The following SAMSN1 variants were observed in gnomAD, a reference collection of about 807,000 sequenced individuals.
SAMSN1 encodes the protein SAM domain-containing protein SAMSN-1.
SAMSN1 carries 31 observed loss-of-function variants against 42.0 expected under a neutral mutation model. The ratio of observed to expected loss-of-function variants is 0.74; its 90% CI spans 0.55 to 1.00. SAMSN1 has a LOEUF of 1.00. Ranked by LOEUF, SAMSN1 falls within the 50% of genes least tolerant of loss-of-function variation. The pLI is 0.00. For missense variants in SAMSN1, 464 were observed against 439.4 expected (o/e 1.06, Z -0.50); for synonymous variants, 178 against 151.9 (o/e 1.17, Z -1.26).
At chr21:14,601,219 G>A (rs1982421640) in intron 6 of SAMSN1, among the ~76,000 whole-genome samples, 1 of 152,098 alleles carries the variant, frequency 6.6e-6, no homozygotes, top group African/African-American at 2.4e-5. Flanking sequence ...ACATCTTGTA[G>A]CATAGGCCTA....
Position 14,494,223 on chromosome 21 carries a change from G to T in SAMSN1, c.919+4219C>A, listed in dbSNP as rs146639330. Among the ~76,000 whole-genome samples the T allele has an allele frequency of 7.9e-3, 1,206 of 152,132 alleles. 21 individuals are homozygous for T. Among genetic ancestry groups the T allele is most frequent in the African/African-American group, 0.027 (1,128 of 41,478 alleles). ...TCCCATTACTGGGTCTATACCCAAA[G>T]GATTATAAATTACTCTACTATAAAG... On this transcript the variant is annotated intron_variant, in intron 7 of 7. Coordinates refer to ENST00000400566, the MANE Select transcript of SAMSN1 (RefSeq NM_022136.5).
chr21:14,577,234 GTGTGTATATATATATA>G (rs1352457051), intron 2 of SAMSN1, among the ~76,000 whole-genome samples: 216 of 21,318 alleles, frequency 0.01, 16 homozygotes, highest in East Asian at 0.025. Flanking sequence ...TTATATATAT[GTGTGTATATATATATA>G]TATATATATA....
chr21:14,593,999 A>T (rs1383012084), intron 7 of SAMSN1: 1 of 715,770 alleles, frequency 1.4e-6, no homozygotes, highest in South Asian at 1.5e-5. Context: ...TACATCTGGG[A>T]AGAAATGTCT....
At chr21:14,567,702 T>C (rs1216665060) in intron 2 of SAMSN1, among the ~76,000 whole-genome samples, 2 of 151,970 alleles carry the variant, frequency 1.3e-5, no homozygotes, top group Non-Finnish European at 2.9e-5. Context: ...TCTGTGTTCT[T>C]AGTGTGAGGT....
At chr21:14,567,688 C>A (rs967801322) in intron 2 of SAMSN1, among the ~76,000 whole-genome samples, 4 of 151,930 alleles carry the variant, frequency 2.6e-5, no homozygotes, top group Non-Finnish European at 5.9e-5. Flanking sequence ...GTCCTTTTTT[C>A]TTTTCTGTGT....
At chr21:14,618,699 C>T (rs548901438) in intron 2 of SAMSN1, among the ~76,000 whole-genome samples, 24,986 of 133,576 alleles carry the variant, frequency 0.19, 2,754 homozygotes, top group African/African-American at 0.36. Context: ...TGTGCGCGCG[C>T]GCGCACGCGC....
intron 2 of SAMSN1, among the ~76,000 whole-genome samples, chr21:14,640,219 TTC>T (rs1983560743): frequency 6.6e-6 from 1 of 152,224 alleles, no homozygotes; most frequent in Non-Finnish European, 1.5e-5. Context: ...CCAAGGATTC[TTC>T]TCTCATTTTG....
At chr21:14,659,290 T>A (rs1456171203), upstream of SAMSN1, among the ~76,000 whole-genome samples, 1 of 151,952 alleles carries the variant, frequency 6.6e-6, no homozygotes, top group Non-Finnish European at 1.5e-5. Context: ...GCAAAGTGCA[T>A]AAATCTAAAA....
chr21:14,563,772 A>C (rs1667819487), intron 2 of SAMSN1, among the ~76,000 whole-genome samples: 1 of 152,190 alleles, frequency 6.6e-6, no homozygotes, highest in South Asian at 2.1e-4. Context: ...TTACCCTGCA[A>C]ATCAAATGTT....
At position 14,544,897 on chromosome 21, in the gene SAMSN1, C is replaced by T. The variant is rs540061435; in HGVS notation, c.57+1308G>A. On this transcript the variant is annotated intron_variant, in intron 1 of 7. Coordinates refer to ENST00000400566, the MANE Select transcript of SAMSN1 (RefSeq NM_022136.5). The stretch of plus-strand genomic sequence containing the variant: ...TCCATATTAACTTTTATGATCTTCC[C>T]TAAACCTACTATTGTTAACTATTTG... Among the ~76,000 whole-genome samples the T allele has an allele frequency of 1.2e-4, 18 of 152,086 alleles. No individual in the cohort carries two copies. The South Asian group carries it at 3.3e-3, about 28-fold the overall frequency.
At chr21:14,509,954 ACGGTGAAACC>A (rs1208473355) in intron 5 of SAMSN1, among the ~76,000 whole-genome samples, 1 of 152,060 alleles carries the variant, frequency 6.6e-6, no homozygotes, top group African/African-American at 2.4e-5. Context: ...CCTGGCTAAC[ACGGTGAAACC>A]CTGTCTCTAC....
chr21:14,582,357 T>C (rs1600944130), exon 2 of SAMSN1: 1 of 1,549,846 alleles, frequency 6.5e-7, no homozygotes, highest in East Asian at 2.4e-5. Context: ...GTGCTGGATC[T>C]ACCCAGTGAT....
chr21:14,488,822 G>A (rs1017478916), intron 7 of SAMSN1, among the ~76,000 whole-genome samples: 14 of 152,172 alleles, frequency 9.2e-5, no homozygotes, highest in Admixed American at 3.9e-4. Flanking sequence ...ATGAAAACAC[G>A]ACTGTGCTCC....
At chr21:14,584,506 T>C (rs988610033), upstream of SAMSN1, among the ~76,000 whole-genome samples, 2 of 152,216 alleles carry the variant, frequency 1.3e-5, no homozygotes, top group African/African-American at 4.8e-5. Flanking sequence ...TTTGTATTTA[T>C]ACAGCTTTTA....
chr21:14,659,400 A>G (rs1983964091), upstream of SAMSN1, among the ~76,000 whole-genome samples: 2 of 151,872 alleles, frequency 1.3e-5, no homozygotes, highest in African/African-American at 4.8e-5. Context: ...GAACCATTTC[A>G]TCTTTCCTAA....
At chr21:14,557,665 C>T (rs1324060395) in intron 2 of SAMSN1, among the ~76,000 whole-genome samples, 1 of 152,182 alleles carries the variant, frequency 6.6e-6, no homozygotes, top group East Asian at 1.9e-4. Context: ...TAGCATTTAG[C>T]TGTGGATTTG....
At chr21:14,643,441 C>A (rs1047352831) in intron 1 of SAMSN1, among the ~76,000 whole-genome samples, 1 of 152,106 alleles carries the variant, frequency 6.6e-6, no homozygotes, top group Non-Finnish European at 1.5e-5. Context: ...ACATTAAGCT[C>A]AAAAAACTAA....
intron 2 of SAMSN1, among the ~76,000 whole-genome samples, chr21:14,635,976 A>G (rs1431977483): frequency 6.6e-6 from 1 of 152,040 alleles, no homozygotes; most frequent in Non-Finnish European, 1.5e-5. Context: ...CCACCCCACA[A>G]CAGGCCCTGG....
chr21:14,569,693 A>C (rs898117128), intron 2 of SAMSN1, among the ~76,000 whole-genome samples: 1 of 152,200 alleles, frequency 6.6e-6, no homozygotes, highest in African/African-American at 2.4e-5. Flanking sequence ...CTGGCCAAAG[A>C]AACACAAAGA....
Sources: gnomAD v4.1 joint callset for allele counts (sites outside exome capture counted in the v4.1 genomes callset) on GRCh38, gnomAD v4.1.1 for gene constraint, MANE v1.5 for transcripts, NCBI Gene and HGNC (gene_info 2026-07-23, HGNC 2026-07-21) for gene names.